LAMC2: variants seen among roughly 807,000 people sequenced by gnomAD.
LAMC2 encodes laminin subunit gamma-2.
A neutral mutation model predicts 140.2 loss-of-function variants in LAMC2; 97 were observed. The ratio of observed to expected loss-of-function variants is 0.69; its 90% CI spans 0.59 to 0.82. LAMC2 has a LOEUF of 0.82. Among genes scored for constraint, LAMC2 ranks in the 40% least tolerant of loss-of-function variants. The probability of loss-of-function intolerance (pLI) is 0.00; values close to 1 mark genes in which losing one functional copy is unlikely to be tolerated. For synonymous variants in LAMC2, 513 were observed against 540.2 expected, an observed-to-expected ratio of 0.95 and a Z score of 0.70; for missense variants, 1,402 against 1,476.1, an observed-to-expected ratio of 0.95 and a Z score of 0.82.
chr1:183,197,411 G>T (rs768621986), intron 1 of LAMC2, among the ~76,000 whole-genome samples: 1 of 152,062 alleles, frequency 6.6e-6, no homozygotes, highest in Non-Finnish European at 1.5e-5. Context: ...GCAGTGACTC[G>T]TGCCTGTAAT....
the LAMC2 span, among the ~76,000 whole-genome samples, chr1:183,258,087 C>T: frequency 6.6e-6 from 1 of 152,162 alleles, no homozygotes; most frequent in African/African-American, 2.4e-5. Flanking sequence ...TTGGGATTCA[C>T]TGCATCTTTT....
downstream of LAMC2, among the ~76,000 whole-genome samples, chr1:183,247,096 A>T (rs1660255918): frequency 6.6e-6 from 1 of 152,214 alleles, no homozygotes; most frequent in Non-Finnish European, 1.5e-5. Context: ...AGATCACCTG[A>T]GGTCTGGAGT....
chr1:183,256,095 G>T, the LAMC2 span, among the ~76,000 whole-genome samples: 1 of 151,916 alleles, frequency 6.6e-6, no homozygotes, highest in Non-Finnish European at 1.5e-5. Context: ...GTTAGCTGTG[G>T]GTTTTTTAAA....
chr1:183,233,848 A>G (rs1659868955), intron 14 of LAMC2, among the ~76,000 whole-genome samples: 1 of 148,080 alleles, frequency 6.8e-6, no homozygotes, highest in Non-Finnish European at 1.5e-5. Flanking sequence ...GACTTTTTTG[A>G]ACTTGGATTT....
chr1:183,254,522 C>G, the LAMC2 span, among the ~76,000 whole-genome samples: 1 of 152,056 alleles, frequency 6.6e-6, no homozygotes, highest in African/African-American at 2.4e-5. Flanking sequence ...ACTGGAGCCT[C>G]AAACTCCTGG....
chr1:183,233,637 G>C (rs571827337), intron 14 of LAMC2, among the ~76,000 whole-genome samples: 1 of 152,022 alleles, frequency 6.6e-6, no homozygotes, highest in Non-Finnish European at 1.5e-5. Context: ...AATTCTCTAT[G>C]ATCCCATTAC....
the LAMC2 span, among the ~76,000 whole-genome samples, chr1:183,258,550 A>G: frequency 1.4e-3 from 220 of 152,348 alleles, 3 homozygotes; most frequent in Admixed American, 0.01. Flanking sequence ...AAAGAGGACA[A>G]CAGCCCTTTC....
Position 183,200,389 on chromosome 1 carries a change from C to A in LAMC2, c.80-7492C>A, listed in dbSNP as rs202090370. On this transcript the variant is annotated intron_variant, in intron 1 of 22. Transcript: ENST00000264144. ...TGGGCGACAGAACGAGACTCTGTTT[C>A]AAAAAAAAAAAGAACATTAGAAAGA... 1.9e-4 allele frequency among the ~76,000 whole-genome samples: 27 copies of A among 144,440 alleles called. No individual in the cohort carries two copies. In the East Asian group the frequency reaches 4.2e-3, roughly 22 times the overall value. The allele number at this position is 144,440 out of a possible 152,430, so 94.8% of individuals were successfully genotyped here.
downstream of LAMC2, among the ~76,000 whole-genome samples, chr1:183,245,444 T>C (rs1349288734): frequency 6.6e-6 from 1 of 152,170 alleles, no homozygotes; most frequent in Non-Finnish European, 1.5e-5. Context: ...TAACGACCAG[T>C]GCCCAGACTC....
chr1:183,194,045 G>A (rs1658433372), intron 1 of LAMC2, among the ~76,000 whole-genome samples: 2 of 152,098 alleles, frequency 1.3e-5, no homozygotes, highest in South Asian at 4.1e-4. Context: ...TCAGACTCCT[G>A]AGTAGCTGGG....
intron 7 of LAMC2, among the ~76,000 whole-genome samples, chr1:183,224,436 ATTG>A (rs995650133): frequency 3.9e-5 from 6 of 152,124 alleles, no homozygotes; most frequent in Admixed American, 1.3e-4. Flanking sequence ...CCATTGAGAG[ATTG>A]TTAAGTCAAG....
chr1:183,238,066 T>C (rs1340858724), intron 18 of LAMC2, among the ~76,000 whole-genome samples: 1 of 152,016 alleles, frequency 6.6e-6, no homozygotes, highest in Non-Finnish European at 1.5e-5. Flanking sequence ...ATATCTAGAG[T>C]TTAAAATTAT....
intron 7 of LAMC2, among the ~76,000 whole-genome samples, chr1:183,224,296 T>G (rs1262697358): frequency 1.3e-5 from 2 of 152,152 alleles, no homozygotes; most frequent in African/African-American, 4.8e-5. Context: ...TATTTATAGC[T>G]GGAATACAGC....
Position 183,243,700 on chromosome 1 carries a change from C to T in LAMC2, c.*300C>T. On this transcript the variant is annotated 3_prime_UTR_variant, in exon 23 of 23. Coordinates refer to ENST00000264144, the MANE Select transcript of LAMC2 (RefSeq NM_005562.3). ...AAACTGCACAGGCAGATGTTTGCCT[C>T]ATAATAGTCGTAAGTGGAGTCCTGG... is the stretch of plus-strand genomic sequence containing the variant. 2.2e-6 allele frequency: 1 copy of T among 447,406 alleles called. No individual in the cohort carries two copies. The highest frequency in any genetic ancestry group is 2.3e-5 in the South Asian group (1 of 43,856). 27.7% of individuals were successfully genotyped at this position (447,406 alleles called of 1,614,324 possible).
intron 1 of LAMC2, among the ~76,000 whole-genome samples, chr1:183,189,460 A>C (rs1658255510): frequency 6.6e-6 from 1 of 152,162 alleles, no homozygotes; most frequent in Non-Finnish European, 1.5e-5. Context: ...TGAGCCTGTG[A>C]GGGTGAGGCT....
At chr1:183,192,779 T>C (rs1187220006) in intron 1 of LAMC2, among the ~76,000 whole-genome samples, 1 of 152,206 alleles carries the variant, frequency 6.6e-6, no homozygotes, top group African/African-American at 2.4e-5. Context: ...CTTGGCTCCC[T>C]GCAACCTCCC....
chr1:183,208,551 T>C (rs1658973342), intron 2 of LAMC2, among the ~76,000 whole-genome samples: 1 of 152,214 alleles, frequency 6.6e-6, no homozygotes, highest in African/African-American at 2.4e-5. Context: ...GTTGTACTAA[T>C]AAAGGAGACA....
At chr1:183,254,009 C>T in the LAMC2 span, among the ~76,000 whole-genome samples, 1 of 151,612 alleles carries the variant, frequency 6.6e-6, no homozygotes, top group Admixed American at 6.6e-5. Flanking sequence ...TAGGTTGTTT[C>T]CACATCTTGG....
chr1:183,203,095 G>A (rs991876006), intron 1 of LAMC2, among the ~76,000 whole-genome samples: 4 of 152,190 alleles, frequency 2.6e-5, no homozygotes, highest in African/African-American at 9.7e-5. Context: ...TGTGGACACA[G>A]CTTTGTTTCA....
Sources: gnomAD v4.1 joint callset for allele counts (sites outside exome capture counted in the v4.1 genomes callset) on GRCh38, gnomAD v4.1.1 for gene constraint, MANE v1.5 for transcripts, NCBI Gene and HGNC (gene_info 2026-07-23, HGNC 2026-07-21) for gene names.